The following MGAT4A variants were observed in gnomAD, a reference collection of about 807,000 sequenced individuals.
The protein encoded by MGAT4A is N-acetylglucosaminyltransferase IVa.
A neutral mutation model predicts 74.1 loss-of-function variants in MGAT4A; 33 were observed. The observed-to-expected ratio is 0.45, with a 90% CI of 0.34 to 0.60. The LOEUF (loss-of-function observed/expected upper bound fraction) is 0.60. MGAT4A is among the 20% of genes least tolerant of loss of function. The pLI is 0.02. For synonymous variants in MGAT4A, 198 were observed against 210.4 expected, an observed-to-expected ratio of 0.94 and a Z score of 0.51; for missense variants, 479 against 628.3, an observed-to-expected ratio of 0.76 and a Z score of 2.54.
chr2:98,664,200 C>CAAAAAAAAAAA (rs57981145), intron 4 of MGAT4A, among the ~76,000 whole-genome samples: 10 of 51,488 alleles, frequency 1.9e-4, no homozygotes, highest in Non-Finnish European at 2.9e-4. Context: ...GATTCCATCT[C>CAAAAAAAAAAA]AAAAAAAAAA....
chr2:98,621,565 T>C lies in MGAT4A; in HGVS notation c.*4001A>G. 6.5e-7 allele frequency: 1 copy of C among 1,548,774 alleles called. No individual in the cohort carries two copies. The highest frequency in any genetic ancestry group is 1.2e-5 in the South Asian group (1 of 83,754). ...CCCAGACAGTCTTCCTTTTGCTACA[T>C]AACATGATATAATCATGGATCAAAC... On this transcript the variant is annotated 3_prime_UTR_variant, in exon 16 of 16. Transcript: ENST00000393487.
Position 98,621,487 on chromosome 2 carries a change from A to C in MGAT4A, c.*4079T>G. On this transcript the variant is annotated 3_prime_UTR_variant, in exon 16 of 16. Coordinates refer to ENST00000393487, the MANE Select transcript of MGAT4A (RefSeq NM_012214.3). ...GCTTTGTCTCTTGACTTCTGCCACC[A>C]GCCCGAGAAAACTCTCTGCTTTTAA... The C allele has an allele frequency of 6.4e-7, 1 of 1,551,702 alleles. No individual in the cohort carries two copies. Among genetic ancestry groups the C allele is most frequent in the Non-Finnish European group, 8.7e-7 (1 of 1,146,980 alleles).
chr2:98,715,073 T>G (rs1414002410), intron 2 of MGAT4A, among the ~76,000 whole-genome samples: 1 of 152,038 alleles, frequency 6.6e-6, no homozygotes, highest in Non-Finnish European at 1.5e-5. Flanking sequence ...CCCAGCACTT[T>G]GGGAGGCTGA....
At chr2:98,725,935 A>G (rs1228349991) in intron 2 of MGAT4A, 1 of 408,682 alleles carries the variant, frequency 2.4e-6, no homozygotes, top group Admixed American at 4.1e-5. Flanking sequence ...TAAAAAGAAC[A>G]AAATGCCAAA....
intron 14 of MGAT4A, among the ~76,000 whole-genome samples, chr2:98,631,558 C>T (rs1169659738): frequency 2.6e-5 from 4 of 152,200 alleles, no homozygotes; most frequent in Non-Finnish European, 5.9e-5. Context: ...AGGAAGCACA[C>T]GGGCGGGCGG....
chr2:98,660,677 GA>G (rs760768254), intron 5 of MGAT4A, among the ~76,000 whole-genome samples: 8 of 152,012 alleles, frequency 5.3e-5, no homozygotes, highest in Non-Finnish European at 1.2e-4. Context: ...AACACTCAAT[GA>G]AAAAAGTTTC....
chr2:98,670,340 T>C (rs371953888), intron 4 of MGAT4A, among the ~76,000 whole-genome samples: 2 of 152,182 alleles, frequency 1.3e-5, no homozygotes, highest in East Asian at 3.9e-4. Flanking sequence ...TGTGCATATG[T>C]AGTACCTCTA....
At position 98,630,997 on chromosome 2, in the gene MGAT4A, AG is replaced by A. The variant is rs971677132; in HGVS notation, c.1468+4224del. 4.3e-4 allele frequency among the ~76,000 whole-genome samples: 65 copies of A among 152,232 alleles called. 2 individuals are homozygous for A. Among genetic ancestry groups the A allele is most frequent in the Non-Finnish European group, 1.3e-4 (9 of 68,036 alleles). On this transcript the variant is annotated intron_variant, in intron 14 of 15. Transcript: ENST00000393487. ...GGAACCCCACACTCCTGGCATTGAC[AG>A]GGACGGCCAAGGGCTACAGCCGTGG...
Position 98,640,223 on chromosome 2 carries a change from A to G in MGAT4A, c.1026T>C (p.His342=). ...GCAGATTTGCTTTCTGTCTATCACAATGTTTCTAAATATTAAAAAAAATCA... is the reference window on the plus strand; with the variant it reads ...GCAGATTTGCTTTCTGTCTATCACAGTGTTTCTAAATATTAAAAAAAATCA... ...KVCNPEKDAK[H]CDRQKANLRI... Residue 342 remains histidine (H), a synonymous_variant, in exon 11 of 16, where the codon CAT becomes CAC. Coordinates refer to ENST00000393487, the MANE Select transcript of MGAT4A (RefSeq NM_012214.3). 6.2e-7 allele frequency: 1 copy of G among 1,606,894 alleles called. No homozygotes were observed.
rs1218104580 is a variant in MGAT4A, at chr2:98,676,779, TCAGGCCATCATA to T, written c.262+1513_262+1524del. 2.6e-5 allele frequency among the ~76,000 whole-genome samples: 4 copies of T among 152,096 alleles called. No homozygotes were observed. In the East Asian group the frequency reaches 5.8e-4, roughly 22 times the overall value. On this transcript the variant is annotated intron_variant, in intron 3 of 15. Coordinates refer to ENST00000393487, the MANE Select transcript of MGAT4A (RefSeq NM_012214.3). Reference sequence around the variant, plus strand: ...CATAGTATAATTTCAAGAGTGAAAATCAGGCCATCATACACAATAACAATTTTGAAGAAAAAC... The same window carrying T: ...CATAGTATAATTTCAAGAGTGAAAATCACAATAACAATTTTGAAGAAAAAC...
intron 3 of MGAT4A, among the ~76,000 whole-genome samples, chr2:98,677,069 T>C (rs1261486085): frequency 6.6e-6 from 1 of 152,178 alleles, no homozygotes; most frequent in African/African-American, 2.4e-5. Context: ...TATGCTAATC[T>C]AGAAAAATTA....
intron 14 of MGAT4A, among the ~76,000 whole-genome samples, chr2:98,627,999 C>T (rs778312681): frequency 4.1e-4 from 63 of 152,094 alleles, no homozygotes; most frequent in Non-Finnish European, 7.5e-4. Context: ...GCTTTAAATA[C>T]CTTACATTTT....
rs930394306 is a variant in MGAT4A at position 98,639,749 on chromosome 2, T to G, written c.1322+59A>C. ...CACACACACAAAAATCTATTATAAA[T>G]CACATTACGAATAAGAGATCCAAAT... is the stretch of plus-strand genomic sequence containing the variant. On this transcript the variant is annotated intron_variant, in intron 12 of 15. Coordinates refer to ENST00000393487, the MANE Select transcript of MGAT4A (RefSeq NM_012214.3). The G allele has an allele frequency of 2.1e-6, 3 of 1,451,924 alleles. No homozygotes were observed. In the African/African-American group the frequency reaches 4.2e-5, roughly 20 times the overall value. The allele number at this position is 1,451,924 out of a possible 1,614,324, so 89.9% of individuals were successfully genotyped here.
intron 8 of MGAT4A, among the ~76,000 whole-genome samples, chr2:98,646,441 C>T (rs1701486618): frequency 6.6e-6 from 1 of 151,982 alleles, no homozygotes; most frequent in East Asian, 1.9e-4. Flanking sequence ...CAGTGGCTCA[C>T]GCCTGTAATC....
chr2:98,661,317 C>A (rs1701745959), intron 5 of MGAT4A, among the ~76,000 whole-genome samples: 1 of 152,138 alleles, frequency 6.6e-6, no homozygotes, highest in Non-Finnish European at 1.5e-5. Context: ...TGTATCCATA[C>A]TGGATACATA....
intron 2 of MGAT4A, among the ~76,000 whole-genome samples, chr2:98,681,005 C>T (rs556870117): frequency 6.6e-5 from 10 of 152,206 alleles, no homozygotes; most frequent in East Asian, 1.9e-4. Flanking sequence ...TTTTTTGAGA[C>T]GGAGTCTCGC....
intron 11 of MGAT4A, 33 bp from the exon 12 acceptor site, chr2:98,640,034 T>C: frequency 6.4e-7 from 1 of 1,560,256 alleles, no homozygotes; most frequent in Admixed American, 1.8e-5. Context: ...TATTAAATAA[T>C]ACACAGCTTA....
chr2:98,659,379 G>A (rs1270754392), intron 5 of MGAT4A, among the ~76,000 whole-genome samples: 1 of 152,058 alleles, frequency 6.6e-6, no homozygotes, highest in Admixed American at 6.6e-5. Context: ...CCTAACTCCA[G>A]ATCCTTGCCC....
intron 2 of MGAT4A, among the ~76,000 whole-genome samples, chr2:98,689,854 G>A (rs1013662966): frequency 2.0e-5 from 3 of 152,026 alleles, no homozygotes; most frequent in Admixed American, 2.0e-4. Context: ...AAAATAAGAA[G>A]ACTTTGAAAG....
Sources: gnomAD v4.1 joint callset for allele counts (sites outside exome capture counted in the v4.1 genomes callset) on GRCh38, gnomAD v4.1.1 for gene constraint, MANE v1.5 for transcripts, NCBI Gene and HGNC (gene_info 2026-07-23, HGNC 2026-07-21) for gene names.